The following LCOR variants were observed in gnomAD, a reference collection of about 807,000 sequenced individuals.
The protein encoded by LCOR is ligand dependent nuclear receptor corepressor, also known as ligand-dependent corepressor.
A neutral mutation model predicts 64.4 loss-of-function variants in LCOR; 14 were observed. That is an observed-to-expected ratio of 0.22 (90% CI 0.14 to 0.34). LCOR has a LOEUF of 0.34. Among genes scored for constraint, LCOR ranks in the 10% least tolerant of loss-of-function variants. LCOR has a pLI of 1.00. For synonymous variants in LCOR, 643 were observed against 642.5 expected (o/e 1.00, Z -0.01); for missense variants, 1,686 against 1,765.3 (o/e 0.96, Z 0.80).
chr10:96,971,175 T>C (rs964781217), intron 7 of LCOR, among the ~76,000 whole-genome samples: 8 of 152,222 alleles, frequency 5.3e-5, no homozygotes, highest in African/African-American at 1.7e-4. Flanking sequence ...GCCTGTGTGC[T>C]TAGTCAAAAC....
chr10:96,939,521 C>T (rs1847411067), intron 4 of LCOR, among the ~76,000 whole-genome samples: 1 of 152,218 alleles, frequency 6.6e-6, no homozygotes, highest in South Asian at 2.1e-4. Flanking sequence ...ATGCTGCTAA[C>T]AGTACCATCA....
At chr10:96,908,372 G>T (rs967464281) in intron 4 of LCOR, among the ~76,000 whole-genome samples, 1 of 152,192 alleles carries the variant, frequency 6.6e-6, no homozygotes, top group Non-Finnish European at 1.5e-5. Flanking sequence ...AAAATGAAAT[G>T]TGTGGTAATT....
At chr10:96,979,681 T>C (rs1388091158) in intron 7 of LCOR, among the ~76,000 whole-genome samples, 1 of 152,234 alleles carries the variant, frequency 6.6e-6, no homozygotes, top group African/African-American at 2.4e-5. Flanking sequence ...TAGTGTGGCT[T>C]CATAGCTATC....
At chr10:96,959,874 TCAA>T (rs1273729031) in intron 7 of LCOR, 3 of 152,172 alleles carry the variant, frequency 2.0e-5, no homozygotes, top group Non-Finnish European at 2.9e-5. Flanking sequence ...GTGAGCAAGC[TCAA>T]CAAGTGTGAA....
intron 4 of LCOR, among the ~76,000 whole-genome samples, chr10:96,940,237 A>G (rs1485826925): frequency 6.6e-6 from 1 of 151,378 alleles, no homozygotes; most frequent in Admixed American, 6.6e-5. Flanking sequence ...TCCTCAAAAT[A>G]GTTAACGTGA....
chr10:96,956,605 C>G (rs1054662170), intron 7 of LCOR: 2 of 985,640 alleles, frequency 2.0e-6, no homozygotes, highest in African/African-American at 3.5e-5. Context: ...TGTGCACACA[C>G]TACCTTCAGA....
Position 96,990,190 on chromosome 10 carries a change from C to G in LCOR, c.*5056C>G, listed in dbSNP as rs1400911036. 6.6e-6 allele frequency: 1 copy of G among 152,138 alleles called. No homozygotes were observed. Among genetic ancestry groups the G allele is most frequent in the African/African-American group, 2.4e-5 (1 of 41,440 alleles). The allele number at this position is 152,138 out of a possible 1,614,324, so 9.4% of individuals were successfully genotyped here. ...CCCCTCCCCCTGCCCAGCCCCCAGA[C>G]AGGGTCTCACTCTGTCGCCCCAGGC... On this transcript the variant is annotated 3_prime_UTR_variant, in exon 8 of 8. Transcript: ENST00000421806.
chr10:96,964,223 A>T (rs1486763100), intron 7 of LCOR: 3 of 147,390 alleles, frequency 2.0e-5, no homozygotes, highest in African/African-American at 7.6e-5. Context: ...TAAAATTTTA[A>T]TCCATGTGGT....
At chr10:96,921,520 G>A (rs909759002) in intron 4 of LCOR, among the ~76,000 whole-genome samples, 2 of 152,074 alleles carry the variant, frequency 1.3e-5, no homozygotes, top group African/African-American at 4.8e-5. Context: ...GGAGTACAGT[G>A]GCACAATCTT....
intron 2 of LCOR, among the ~76,000 whole-genome samples, chr10:96,879,436 T>G (rs1301476948): frequency 6.6e-6 from 1 of 152,192 alleles, no homozygotes; most frequent in Non-Finnish European, 1.5e-5. Flanking sequence ...AGAAGCTTAT[T>G]CCAAGCCATC....
chr10:96,890,955 G>T (rs931486485), intron 2 of LCOR, among the ~76,000 whole-genome samples: 4 of 152,134 alleles, frequency 2.6e-5, no homozygotes, highest in African/African-American at 9.7e-5. Flanking sequence ...TTTTCTTGAG[G>T]ATTCTTGCAT....
At chr10:96,885,485 G>A (rs1846327390) in intron 2 of LCOR, among the ~76,000 whole-genome samples, 2 of 151,568 alleles carry the variant, frequency 1.3e-5, no homozygotes, top group Admixed American at 6.6e-5. Context: ...AGGCCCTAGC[G>A]ACCCTCCTGC....
chr10:96,898,148 C>T (rs1202296460), intron 2 of LCOR, among the ~76,000 whole-genome samples: 1 of 151,802 alleles, frequency 6.6e-6, no homozygotes, highest in East Asian at 1.9e-4. Flanking sequence ...GGATTAAATA[C>T]CAAAAAAAGG....
chr10:96,868,007 C>T (rs920790637), intron 2 of LCOR, among the ~76,000 whole-genome samples: 6 of 152,084 alleles, frequency 3.9e-5, no homozygotes, highest in Non-Finnish European at 7.4e-5. Context: ...GCCTCAGCCT[C>T]CCGAGTAGCT....
intron 4 of LCOR, among the ~76,000 whole-genome samples, chr10:96,928,401 T>TA (rs1379681512): frequency 4.0e-5 from 6 of 151,680 alleles, no homozygotes; most frequent in East Asian, 1.9e-4. Flanking sequence ...TAGACTCATT[T>TA]AAAAAAAAAT....
intron 4 of LCOR, among the ~76,000 whole-genome samples, chr10:96,910,707 C>T (rs1430885452): frequency 2.0e-5 from 3 of 152,142 alleles, no homozygotes; most frequent in Non-Finnish European, 4.4e-5. Flanking sequence ...CAATAGGTGG[C>T]AGCATAGAGC....
chr10:96,952,234 T>C, intron 7 of LCOR, 38 bp downstream of exon 7: 1 of 1,398,248 alleles, frequency 7.2e-7, no homozygotes, highest in Non-Finnish European at 1.0e-6. Context: ...CAGTTTCATA[T>C]AGATAATTCA....
At chr10:96,900,860 C>T (rs1236699123) in intron 2 of LCOR, among the ~76,000 whole-genome samples, 10 of 150,006 alleles carry the variant, frequency 6.7e-5, no homozygotes, top group South Asian at 2.1e-4. Context: ...AACACTGCTT[C>T]GTAGGCTTTT....
intron 2 of LCOR, among the ~76,000 whole-genome samples, chr10:96,838,334 C>CTGG (rs1845481817): frequency 6.6e-6 from 1 of 152,098 alleles, no homozygotes; most frequent in Non-Finnish European, 1.5e-5. Context: ...GTTGCCCAGG[C>CTGG]TGGTCTTGAA....
Sources: allele counts gnomAD v4.1 joint callset (sites outside exome capture counted in the v4.1 genomes callset), GRCh38; gene constraint gnomAD v4.1.1; transcripts MANE v1.5; gene names NCBI Gene and HGNC (gene_info 2026-07-23, HGNC 2026-07-21).